The following PPME1 variants were observed in gnomAD, a reference collection of about 807,000 sequenced individuals.
PPME1 encodes testicular secretory protein Li 39.
Under a neutral mutation model 56.9 loss-of-function variants are expected in PPME1, and 17 were observed. The observed-to-expected ratio is 0.30, with a 90% CI of 0.20 to 0.45. The LOEUF (loss-of-function observed/expected upper bound fraction) is 0.45. Ranked by LOEUF, PPME1 falls within the 20% of genes least tolerant of loss-of-function variation. The pLI is 1.00. For missense variants in PPME1, 357 were observed against 483.2 expected (o/e 0.74, Z 2.45); for synonymous variants, 122 against 156.2 (o/e 0.78, Z 1.63).
At chr11:74,219,334 T>TAAA (rs35167391) in intron 3 of PPME1, among the ~76,000 whole-genome samples, 1 of 132,092 alleles carries the variant, frequency 7.6e-6, no homozygotes, top group Admixed American at 7.7e-5. Flanking sequence ...GTTGATTCCT[T>TAAA]AAAAAAAAAA....
At chr11:74,252,524 C>G (rs1859729585) in intron 13 of PPME1, 1 of 455,728 alleles carries the variant, frequency 2.2e-6, no homozygotes, top group African/African-American at 2.0e-5. Flanking sequence ...AGAATATTAG[C>G]CACTCTGCAG....
At chr11:74,224,525 T>A (rs1401641024) in intron 4 of PPME1, among the ~76,000 whole-genome samples, 12 of 132,402 alleles carry the variant, frequency 9.1e-5, no homozygotes, top group Admixed American at 8.8e-4. Flanking sequence ...ATCTGTAAAT[T>A]ACCTTGGGCA....
At chr11:74,181,300 G>A (rs987327217) in intron 1 of PPME1, among the ~76,000 whole-genome samples, 1 of 149,942 alleles carries the variant, frequency 6.7e-6, no homozygotes, top group Non-Finnish European at 1.5e-5. Flanking sequence ...CACCCGCCTC[G>A]GCCTCCCAAA....
At position 74,213,012 on chromosome 11, in the gene PPME1, GGTA is replaced by G. The variant is rs569780603; in HGVS notation, c.288+8569_288+8571del. 8.5e-5 allele frequency among the ~76,000 whole-genome samples: 13 copies of G among 152,286 alleles called. No homozygotes were observed. The East Asian group carries it at 2.1e-3, about 25-fold the overall frequency. On this transcript the variant is annotated intron_variant, in intron 3 of 13. Transcript: ENST00000328257. ...TCATGTTGCAGTTAGGTGCCAGTGG[GGTA>G]GAGCACCAGGTGGACTCTTGGGGTT...
chr11:74,244,291 T>G (rs561162740), intron 9 of PPME1, among the ~76,000 whole-genome samples: 88 of 152,350 alleles, frequency 5.8e-4, no homozygotes, highest in Non-Finnish European at 1.1e-3. Flanking sequence ...TACCCAGAAG[T>G]GGGATTCCTG....
chr11:74,175,550 T>C (rs1857382091), intron 1 of PPME1, among the ~76,000 whole-genome samples: 6 of 152,164 alleles, frequency 3.9e-5, no homozygotes, highest in Admixed American at 3.9e-4. Context: ...AAATTCCTTT[T>C]TTTTTCTTTT....
chr11:74,245,939 A>G, intron 9 of PPME1, 137 bp from the exon 10 acceptor site: 2 of 911,720 alleles, frequency 2.2e-6, no homozygotes, highest in Non-Finnish European at 3.2e-6. Flanking sequence ...TTGAATGTAT[A>G]TTAAAATGTC....
intron 1 of PPME1, among the ~76,000 whole-genome samples, chr11:74,182,699 G>C (rs1014763603): frequency 6.6e-6 from 1 of 152,174 alleles, no homozygotes; most frequent in Non-Finnish European, 1.5e-5. Flanking sequence ...CTGAACATAA[G>C]TGAACACCAA....
chr11:74,231,023 G>T (rs755432463), intron 7 of PPME1, 21 bp downstream of exon 7: 3 of 1,527,010 alleles, frequency 2.0e-6, no homozygotes, highest in Non-Finnish European at 2.7e-6. Flanking sequence ...AATCTTTGTC[G>T]CCTTTATTTA....
chr11:74,178,873 G>A (rs994882540), intron 1 of PPME1, among the ~76,000 whole-genome samples: 5 of 150,440 alleles, frequency 3.3e-5, no homozygotes, highest in Non-Finnish European at 5.9e-5. Flanking sequence ...AACATCTCTA[G>A]TTGTTTGGGA....
At chr11:74,252,606 T>G in intron 13 of PPME1, 1 of 450,790 alleles carries the variant, frequency 2.2e-6, no homozygotes, top group South Asian at 1.6e-5. Flanking sequence ...GGATAATTCT[T>G]CATTGTGGGG....
rs1407927725 is a variant in PPME1 at position 74,254,039 on chromosome 11, A to C, written c.*529A>C. ...CAGGTTTGGAAGACCCAGAGAGGCC[A>C]AGATCCCATCCTTAGCCATAGCGAG... On this transcript the variant is annotated 3_prime_UTR_variant, in exon 14 of 14. Coordinates refer to ENST00000328257, the MANE Select transcript of PPME1 (RefSeq NM_016147.3). The C allele has an allele frequency of 6.4e-6, 1 of 155,456 alleles. No individual in the cohort carries two copies. The highest frequency in any genetic ancestry group is 6.4e-5 in the Admixed American group (1 of 15,568). The allele number at this position is 155,456 out of a possible 1,614,324, so 9.6% of individuals were successfully genotyped here.
In PPME1 at chr11:74,251,177, G is replaced by T. The variant is rs1859649871; in HGVS notation, c.1074+159G>T. ...CCAGCTCTCCAACTTCTCCCTGGCAGCTGCTTATGGTATTGGTTTTGTGTA... is the reference window on the plus strand; with the variant it reads ...CCAGCTCTCCAACTTCTCCCTGGCATCTGCTTATGGTATTGGTTTTGTGTA... On this transcript the variant is annotated intron_variant, in intron 12 of 13. Transcript: ENST00000328257. 6 of 1,462,064 alleles carry T rather than the reference G, an allele frequency of 4.1e-6. No individual in the cohort carries two copies. The Admixed American group carries it at 1.4e-4, about 35-fold the overall frequency. 90.6% of individuals were successfully genotyped at this position (1,462,064 alleles called of 1,614,324 possible).
intron 3 of PPME1, among the ~76,000 whole-genome samples, 178 bp from the exon 4 acceptor site, chr11:74,222,134 A>T (rs1444768252): frequency 6.6e-6 from 1 of 152,220 alleles, no homozygotes; most frequent in Non-Finnish European, 1.5e-5. Context: ...GAACCACAAT[A>T]TATGGCAAAA....
intron 1 of PPME1, among the ~76,000 whole-genome samples, chr11:74,189,649 A>G (rs1380410262): frequency 6.6e-6 from 1 of 152,210 alleles, no homozygotes; most frequent in Non-Finnish European, 1.5e-5. Context: ...TCTTATTAGT[A>G]CACAGAAATC....
intron 1 of PPME1, among the ~76,000 whole-genome samples, chr11:74,202,157 A>G (rs1858186285): frequency 6.6e-6 from 1 of 152,204 alleles, no homozygotes; most frequent in African/African-American, 2.4e-5. Flanking sequence ...TTGTAGAGAA[A>G]TGGTAGGACT....
chr11:74,222,362 A>C lies in PPME1; in HGVS notation c.339A>C (p.Arg113=). 6.2e-7 allele frequency: 1 copy of C among 1,609,516 alleles called. No individual in the cohort carries two copies. The highest frequency in any genetic ancestry group is 8.5e-7 in the Non-Finnish European group (1 of 1,175,900). The part of the protein sequence containing the change: ...VQCRIVALDL[R]SHGETKVKNP... ...GTAGGATTGTAGCTTTGGATCTGCG[A>C]AGTCATGGTGAGTAAAGTTCTTAAT... Residue 113 remains arginine, a synonymous_variant, in exon 4 of 14, where the codon CGA becomes CGC. Transcript: ENST00000328257.
chr11:74,215,693 C>T (rs1205317368), intron 3 of PPME1, among the ~76,000 whole-genome samples: 4 of 152,074 alleles, frequency 2.6e-5, no homozygotes, highest in South Asian at 2.1e-4. Context: ...CTAAACTCGC[C>T]AATCAAAAGA....
chr11:74,221,052 G>C (rs1050871838), intron 3 of PPME1, among the ~76,000 whole-genome samples: 1 of 152,074 alleles, frequency 6.6e-6, no homozygotes, highest in African/African-American at 2.4e-5. Flanking sequence ...TTATTAGAAA[G>C]ATTTGTTAAA....
Sources: gnomAD v4.1 joint callset for allele counts (sites outside exome capture counted in the v4.1 genomes callset) on GRCh38, gnomAD v4.1.1 for gene constraint, MANE v1.5 for transcripts, NCBI Gene and HGNC (gene_info 2026-07-23, HGNC 2026-07-21) for gene names.